The following KDM4B variants were observed in gnomAD, a reference collection of about 807,000 sequenced individuals.
KDM4B encodes lysine-specific demethylase 4B.
A neutral mutation model predicts 125.2 loss-of-function variants in KDM4B; 32 were observed. The observed-to-expected ratio is 0.26, with a 90% CI of 0.19 to 0.34. The LOEUF is 0.34. KDM4B is among the 10% of genes least tolerant of loss of function. The pLI is 1.00. For missense variants in KDM4B, 1,190 were observed against 1,577.7 expected, an observed-to-expected ratio of 0.75 and a Z score of 4.16; for synonymous variants, 721 against 677.9, an observed-to-expected ratio of 1.06 and a Z score of -0.99.
chr19:5,116,383 C>A (rs2039256807), intron 10 of KDM4B, among the ~76,000 whole-genome samples: 1 of 152,114 alleles, frequency 6.6e-6, no homozygotes, highest in African/African-American at 2.4e-5. Flanking sequence ...AAATCTTTTA[C>A]CTAGCCAAAT....
At chr19:5,021,870 G>A (rs1233103363) in intron 2 of KDM4B, among the ~76,000 whole-genome samples, 4 of 152,126 alleles carry the variant, frequency 2.6e-5, no homozygotes, top group Non-Finnish European at 5.9e-5. Flanking sequence ...TGTTGACCTC[G>A]TGATCTGCCT....
intron 1 of KDM4B, among the ~76,000 whole-genome samples, chr19:4,973,528 T>C (rs866005807): frequency 6.6e-5 from 10 of 152,240 alleles, no homozygotes; most frequent in African/African-American, 2.2e-4. Context: ...TCAAATGAGC[T>C]TAACCACTAT....
At chr19:4,985,548 T>C (rs2034797799) in intron 1 of KDM4B, among the ~76,000 whole-genome samples, 2 of 152,238 alleles carry the variant, frequency 1.3e-5, no homozygotes. Flanking sequence ...AGGCAGAGGA[T>C]CCTGCTGTGC....
At position 5,082,275 on chromosome 19, in the gene KDM4B, G is replaced by T; in HGVS notation, c.781-92G>T. 2.0e-6 allele frequency: 3 copies of T among 1,518,754 alleles called. No homozygotes were observed. The highest frequency in any genetic ancestry group is 2.7e-6 in the Non-Finnish European group (3 of 1,113,682). The allele number at this position is 1,518,754 out of a possible 1,614,324, so 94.1% of individuals were successfully genotyped here. On this transcript the variant is annotated intron_variant, in intron 8 of 22. Transcript: ENST00000159111. This position sits in a 1 kb window ranked among gnomAD's most constrained non-coding sequence, Gnocchi z 5.4. Reference sequence around the variant, plus strand: ...TGAAACCCCCTTGGCTCATAAGCCAGGCTCCCTGGCACTTGCTGGGAAGTG... The same window carrying T: ...TGAAACCCCCTTGGCTCATAAGCCATGCTCCCTGGCACTTGCTGGGAAGTG...
chr19:5,131,594 G>GTGGGT, intron 12 of KDM4B, 49 bp downstream of exon 12: 1 of 393,978 alleles, frequency 2.5e-6, no homozygotes, highest in Non-Finnish European at 4.7e-6. Flanking sequence ...GTGGGGTGGG[G>GTGGGT]CAGGGGAGGA....
intron 3 of KDM4B, among the ~76,000 whole-genome samples, chr19:5,034,868 G>C (rs1431905497): frequency 6.6e-6 from 1 of 152,178 alleles, no homozygotes; most frequent in Non-Finnish European, 1.5e-5. Context: ...GCCCAGGCTG[G>C]GGTGCTGGGG....
intron 9 of KDM4B, among the ~76,000 whole-genome samples, chr19:5,100,201 A>C (rs1189935292): frequency 6.6e-6 from 1 of 152,122 alleles, no homozygotes; most frequent in Non-Finnish European, 1.5e-5. Context: ...GATTTTTGTC[A>C]CTTGCCCCTC....
rs531809508 is a variant in KDM4B, at chr19:5,084,525, A to G, written c.918+2021A>G. On this transcript the variant is annotated intron_variant, in intron 9 of 22. Coordinates refer to ENST00000159111, the MANE Select transcript of KDM4B (RefSeq NM_015015.3). ...TATATTATATATAAATATAAATTAT[A>G]TATGTTATTTATATATTATATATAA... Among the ~76,000 whole-genome samples the G allele has an allele frequency of 5.9e-4, 34 of 57,806 alleles. No individual in the cohort carries two copies. The South Asian group carries it at 0.016, about 27-fold the overall frequency. The allele number at this position is 57,806 out of a possible 152,430, so 37.9% of individuals were successfully genotyped here.
intron 6 of KDM4B, chr19:5,070,707 C>T (rs952168099): frequency 3.3e-6 from 1 of 304,868 alleles, no homozygotes. Context: ...CCTTTTCAGC[C>T]TCCTCGAGGT....
At chr19:5,050,780 A>G (rs1205071309) in intron 6 of KDM4B, among the ~76,000 whole-genome samples, 1 of 152,152 alleles carries the variant, frequency 6.6e-6, no homozygotes, top group African/African-American at 2.4e-5. Context: ...GGTGCCTATA[A>G]TCCCAGCTAC....
chr19:5,117,319 G>T (rs1185998717), intron 10 of KDM4B, among the ~76,000 whole-genome samples: 1 of 151,970 alleles, frequency 6.6e-6, no homozygotes, highest in Non-Finnish European at 1.5e-5. Flanking sequence ...TGAGTTTTCA[G>T]GGTGGGGGTG....
chr19:4,986,822 C>A (rs190763516), intron 1 of KDM4B, among the ~76,000 whole-genome samples: 8 of 152,362 alleles, frequency 5.3e-5, no homozygotes, highest in African/African-American at 1.7e-4. Flanking sequence ...GCGCAGCTCA[C>A]TGAGCTGGCA....
At chr19:5,097,331 G>GCC (rs1471009664) in intron 9 of KDM4B, among the ~76,000 whole-genome samples, 1 of 152,330 alleles carries the variant, frequency 6.6e-6, no homozygotes, top group South Asian at 2.1e-4. Flanking sequence ...GCTCACTGCA[G>GCC]CCTTGACCTC....
chr19:5,019,998 GTGC>G (rs1317556481), intron 2 of KDM4B, among the ~76,000 whole-genome samples: 2 of 146,236 alleles, frequency 1.4e-5, no homozygotes, highest in Non-Finnish European at 1.5e-5. Context: ...TGGTGTGCAG[GTGC>G]TGCTGTGGAC....
Position 4,976,659 on chromosome 19 carries a change from G to A in KDM4B, c.-109+7429G>A, listed in dbSNP as rs567782256. Among the ~76,000 whole-genome samples the A allele has an allele frequency of 1.6e-4, 25 of 152,358 alleles. No individual in the cohort carries two copies. The South Asian group carries it at 3.7e-3, about 23-fold the overall frequency. Reference sequence around the variant, plus strand: ...GAGGGGCAGGGGAGTCGCAGATGGTGGTTTCTGCTGTCCCTGAGCACAGAA... The same window carrying A: ...GAGGGGCAGGGGAGTCGCAGATGGTAGTTTCTGCTGTCCCTGAGCACAGAA... On this transcript the variant is annotated intron_variant, in intron 1 of 22. Transcript: ENST00000159111.
chr19:5,087,082 T>G (rs2038527960), intron 9 of KDM4B, among the ~76,000 whole-genome samples: 1 of 152,242 alleles, frequency 6.6e-6, no homozygotes, highest in Admixed American at 6.5e-5. Context: ...GGCTGGCGCC[T>G]GCCTGAGCTC....
chr19:5,006,166 G>C (rs1188043355), intron 1 of KDM4B, among the ~76,000 whole-genome samples: 2 of 152,050 alleles, frequency 1.3e-5, no homozygotes, highest in Non-Finnish European at 2.9e-5. Flanking sequence ...CTGCAGGCCT[G>C]CCCTCTTCAT....
rs1359595951 is a variant in KDM4B, at chr19:5,082,714, G to A, written c.918+210G>A. ...GACTGGAGAGGAGGTGGGCAGGTCGGGTGGACGATGGTGGCCCAGGGCCCA... is the reference window on the plus strand; with the variant it reads ...GACTGGAGAGGAGGTGGGCAGGTCGAGTGGACGATGGTGGCCCAGGGCCCA... On this transcript the variant is annotated intron_variant, in intron 9 of 22. Coordinates refer to ENST00000159111, the MANE Select transcript of KDM4B (RefSeq NM_015015.3). The surrounding 1 kb of genome is among the most constrained non-coding windows in gnomAD (Gnocchi z 5.4). Among the ~76,000 whole-genome samples the A allele has an allele frequency of 1.3e-5, 2 of 152,192 alleles. No homozygotes were observed. Among genetic ancestry groups the A allele is most frequent in the Non-Finnish European group, 1.5e-5 (1 of 68,024 alleles).
intron 9 of KDM4B, among the ~76,000 whole-genome samples, chr19:5,099,069 G>C (rs558004606): frequency 1.6e-4 from 24 of 152,338 alleles, no homozygotes; most frequent in Middle Eastern, 3.4e-3. Flanking sequence ...AGGGGAACCT[G>C]GTCACATAGA....
Sources: allele counts gnomAD v4.1 joint callset (sites outside exome capture counted in the v4.1 genomes callset), GRCh38; gene constraint gnomAD v4.1.1; non-coding constraint Gnocchi (gnomAD v3.1); transcripts MANE v1.5; gene names NCBI Gene and HGNC (gene_info 2026-07-23, HGNC 2026-07-21).